TASP1: variants seen among roughly 807,000 people sequenced by gnomAD.
The protein encoded by TASP1 is taspase 1, also known as threonine aspartase 1.
Under a neutral mutation model 56.6 loss-of-function variants are expected in TASP1, and 16 were observed. The observed-to-expected ratio is 0.28, with a 90% CI of 0.19 to 0.43. The LOEUF (loss-of-function observed/expected upper bound fraction) is 0.43. Among genes scored for constraint, TASP1 ranks in the 20% least tolerant of loss-of-function variants. The pLI, the probability that TASP1 is intolerant of heterozygous loss-of-function variation, is 1.00. For synonymous variants in TASP1, 179 were observed against 184.2 expected, an observed-to-expected ratio of 0.97 and a Z score of 0.23; for missense variants, 393 against 511.6, an observed-to-expected ratio of 0.77 and a Z score of 2.24.
chr20:13,177,373 C>G, the TASP1 span, among the ~76,000 whole-genome samples: 2 of 152,028 alleles, frequency 1.3e-5, no homozygotes, highest in Non-Finnish European at 2.9e-5. Context: ...CAATCTCTAT[C>G]AAAACACTAG....
chr20:13,456,437 G>A (rs1455165475), intron 11 of TASP1, among the ~76,000 whole-genome samples: 1 of 151,974 alleles, frequency 6.6e-6, no homozygotes, highest in Non-Finnish European at 1.5e-5. Flanking sequence ...TCCTGATTTG[G>A]CTCCTTCTTT....
chr20:13,496,271 T>C (rs569360996), intron 10 of TASP1, among the ~76,000 whole-genome samples: 2 of 152,264 alleles, frequency 1.3e-5, no homozygotes, highest in Admixed American at 6.5e-5. Flanking sequence ...GCCAGGCTGG[T>C]CTCAAACTCC....
chr20:13,366,884 A>T, the TASP1 span, among the ~76,000 whole-genome samples: 29 of 151,306 alleles, frequency 1.9e-4, no homozygotes, highest in East Asian at 1.4e-3. Context: ...ACACACACAC[A>T]CTCTCTCTCA....
the TASP1 span, chr20:13,300,520 A>C: frequency 1.8e-4 from 27 of 152,198 alleles, no homozygotes; most frequent in African/African-American, 6.5e-4. Context: ...ATTATTGTGC[A>C]TCAAGCAATT....
At chr20:13,288,771 A>C in the TASP1 span, 4 of 1,357,126 alleles carry the variant, frequency 2.9e-6, no homozygotes, top group Admixed American at 8.6e-5. Flanking sequence ...TCTTTTTAAA[A>C]GATGCACTAC....
intron 8 of TASP1, among the ~76,000 whole-genome samples, chr20:13,548,710 T>TG (rs2045886989): frequency 6.6e-6 from 1 of 152,172 alleles, no homozygotes; most frequent in Non-Finnish European, 1.5e-5. Flanking sequence ...ATGCTGGACA[T>TG]GAAGTCATTA....
At chr20:13,579,227 A>G (rs2047030826) in intron 6 of TASP1, among the ~76,000 whole-genome samples, 1 of 152,198 alleles carries the variant, frequency 6.6e-6, no homozygotes, top group Non-Finnish European at 1.5e-5. Context: ...CTTTGCACTT[A>G]TTACTCCCTT....
chr20:13,636,682 G>GA (rs530754968), intron 1 of TASP1, among the ~76,000 whole-genome samples: 3 of 151,948 alleles, frequency 2.0e-5, no homozygotes, highest in Non-Finnish European at 4.4e-5. Context: ...GTCCAATACA[G>GA]AAAAACGGTT....
the TASP1 span, among the ~76,000 whole-genome samples, chr20:13,363,776 T>C: frequency 9.8e-5 from 15 of 152,312 alleles, no homozygotes; most frequent in African/African-American, 2.9e-4. Context: ...AATTGCTTGT[T>C]AGTGGCAGTG....
the TASP1 span, among the ~76,000 whole-genome samples, chr20:13,149,607 C>T: frequency 6.6e-6 from 1 of 152,342 alleles, no homozygotes; most frequent in African/African-American, 2.4e-5. Context: ...GCGTGGCAAC[C>T]ACAAAGTGTG....
At chr20:13,177,197 T>C in the TASP1 span, among the ~76,000 whole-genome samples, 1 of 151,638 alleles carries the variant, frequency 6.6e-6, no homozygotes, top group Non-Finnish European at 1.5e-5. Flanking sequence ...GCTGAGATCA[T>C]GCCACTGCAC....
intron 2 of TASP1, among the ~76,000 whole-genome samples, chr20:13,629,094 G>A (rs1466990693): frequency 1.3e-5 from 2 of 152,144 alleles, no homozygotes; most frequent in Non-Finnish European, 2.9e-5. Flanking sequence ...GGCCGGGTGT[G>A]GTGGCTTACG....
At chr20:13,239,917 T>C in the TASP1 span, among the ~76,000 whole-genome samples, 1 of 152,214 alleles carries the variant, frequency 6.6e-6, no homozygotes, top group Admixed American at 6.5e-5. Flanking sequence ...TGTAAAAGTT[T>C]TTATAGCCCC....
At chr20:13,601,978 G>A (rs947230962) in intron 4 of TASP1, among the ~76,000 whole-genome samples, 8 of 139,418 alleles carry the variant, frequency 5.7e-5, no homozygotes, top group African/African-American at 1.3e-4. Context: ...CTGGGTTCAC[G>A]CCATTCTCCT....
the TASP1 span, chr20:13,298,969 G>C: frequency 1.2e-6 from 2 of 1,613,476 alleles, no homozygotes; most frequent in Non-Finnish European, 1.7e-6. Flanking sequence ...CGCTGGATGA[G>C]CTGCAAAAGC....
At chr20:13,396,490 T>C (rs899997338) in intron 13 of TASP1, among the ~76,000 whole-genome samples, 2 of 152,198 alleles carry the variant, frequency 1.3e-5, no homozygotes, top group Non-Finnish European at 1.5e-5. Context: ...CTGTGTGATA[T>C]TGGACAACGG....
At chr20:13,531,355 G>A (rs554950602) in intron 9 of TASP1, among the ~76,000 whole-genome samples, 1 of 151,942 alleles carries the variant, frequency 6.6e-6, no homozygotes, top group Non-Finnish European at 1.5e-5. Context: ...CTATTTGTGT[G>A]GGGGTGGGGT....
chr20:13,224,973 G>A, the TASP1 span, among the ~76,000 whole-genome samples: 3 of 149,732 alleles, frequency 2.0e-5, no homozygotes, highest in Admixed American at 6.7e-5. Flanking sequence ...AGCCTCCCAA[G>A]TAGCTGGGAC....
chr20:13,119,292 T>C, the TASP1 span, among the ~76,000 whole-genome samples: 2 of 152,202 alleles, frequency 1.3e-5, no homozygotes, highest in Admixed American at 1.3e-4. Flanking sequence ...TCAAATTTGG[T>C]GGATGTCACA....
Sources: gnomAD v4.1 joint callset for allele counts (sites outside exome capture counted in the v4.1 genomes callset) on GRCh38, gnomAD v4.1.1 for gene constraint, MANE v1.5 for transcripts, NCBI Gene and HGNC (gene_info 2026-07-23, HGNC 2026-07-21) for gene names.